Variants in CTTN observed in about 807,000 individuals in gnomAD.
The protein encoded by CTTN is cortactin, also known as src substrate cortactin.
In CTTN, 28 loss-of-function variants were observed where a neutral mutation model predicts 84.0. That is an observed-to-expected ratio of 0.33 (90% CI 0.25 to 0.46). CTTN has a LOEUF of 0.46. Ranked by LOEUF, CTTN falls within the 20% of genes least tolerant of loss-of-function variation. The pLI, the probability that CTTN is intolerant of heterozygous loss-of-function variation, is 1.00. For missense variants in CTTN, 641 were observed against 723.8 expected, an observed-to-expected ratio of 0.89 and a Z score of 1.31; for synonymous variants, 301 against 288.8, an observed-to-expected ratio of 1.04 and a Z score of -0.43.
Position 70,435,462 on chromosome 11 carries a change from G to T in CTTN, c.*300G>T. 6.5e-7 allele frequency: 1 copy of T among 1,527,960 alleles called. No homozygotes were observed. 94.7% of individuals were successfully genotyped at this position (1,527,960 alleles called of 1,614,324 possible). A position where few individuals can be genotyped will look rare whatever the true frequency, so the allele number is the denominator to read the frequency against. ...TTTTTGCCAAATTGACTGTCACGCG[G>T]CAGCTTCAGGGAGCTCGCATTCTCT... On this transcript the variant is annotated 3_prime_UTR_variant, in exon 18 of 18. Coordinates refer to ENST00000301843, the MANE Select transcript of CTTN (RefSeq NM_005231.4).
In CTTN at chr11:70,410,043, T is replaced by C. The variant is rs557954597; in HGVS notation, c.291+83T>C. On this transcript the variant is annotated intron_variant, in intron 5 of 17. Coordinates refer to ENST00000301843, the MANE Select transcript of CTTN (RefSeq NM_005231.4). ...GGTGGCAGAGTCGTCCCTCAGTCTTTCCTTAGATCAGCAGTTTTGAGTCCA... is the reference window on the plus strand; with the variant it reads ...GGTGGCAGAGTCGTCCCTCAGTCTTCCCTTAGATCAGCAGTTTTGAGTCCA... 2.2e-5 allele frequency: 32 copies of C among 1,481,138 alleles called. No homozygotes were observed. In the South Asian group the frequency reaches 3.6e-4, roughly 17 times the overall value. 91.7% of individuals were successfully genotyped at this position (1,481,138 alleles called of 1,614,324 possible).
chr11:70,431,042 G>T, intron 14 of CTTN, 149 bp from the exon 15 acceptor site: 1 of 756,148 alleles, frequency 1.3e-6, no homozygotes, highest in Non-Finnish European at 2.2e-6. Context: ...TCTGAGGCTT[G>T]GTGCTCCAGC....
intron 1 of CTTN, among the ~76,000 whole-genome samples, chr11:70,399,653 G>T (rs1486002726): frequency 2.0e-5 from 3 of 152,168 alleles, no homozygotes; most frequent in Non-Finnish European, 4.4e-5. Flanking sequence ...TCTAAGGGAT[G>T]CCTGATCCCT....
At chr11:70,425,028 C>T (rs2058285379) in intron 12 of CTTN, among the ~76,000 whole-genome samples, 3 of 152,164 alleles carry the variant, frequency 2.0e-5, no homozygotes, top group African/African-American at 7.2e-5. Flanking sequence ...GCTCACACCT[C>T]TGGGTGGCGA....
At position 70,419,825 on chromosome 11, in the gene CTTN, A is replaced by G. The variant is rs779964299; in HGVS notation, c.648A>G (p.Gln216=). 8 of 1,613,544 alleles carry G rather than the reference A, an allele frequency of 5.0e-6. No individual in the cohort carries two copies. Among genetic ancestry groups the G allele is most frequent in the Admixed American group, 1.7e-5 (1 of 59,828 alleles). ...AGAGCGCCGTTGGCTTTGAGTATCA[A>G]GGCAAAACGGAGAAGCACGAGTCCC... ...VDKSAVGFEY[Q]GKTEKHESQK... Residue 216 remains glutamine (Q), a synonymous_variant, in exon 9 of 18, where the codon CAA becomes CAG. Transcript: ENST00000301843.
Position 70,436,458 on chromosome 11 carries a change from A to G in CTTN, c.*1296A>G, listed in dbSNP as rs1488146624. 6.5e-7 allele frequency: 1 copy of G among 1,542,388 alleles called. No individual in the cohort carries two copies. Among genetic ancestry groups the G allele is most frequent in the Non-Finnish European group, 8.8e-7 (1 of 1,131,260 alleles). ...ATTTTCTCATCATCCTTGCTTTACCACAATGAGCAATGAGGTCGGGTTTTA... is the reference window on the plus strand; with the variant it reads ...ATTTTCTCATCATCCTTGCTTTACCGCAATGAGCAATGAGGTCGGGTTTTA... On this transcript the variant is annotated 3_prime_UTR_variant, in exon 18 of 18. Coordinates refer to ENST00000301843, the MANE Select transcript of CTTN (RefSeq NM_005231.4).
chr11:70,421,614 G>T, intron 11 of CTTN, 34 bp downstream of exon 11: 1 of 1,499,504 alleles, frequency 6.7e-7, no homozygotes, highest in South Asian at 1.1e-5. Flanking sequence ...CCCTCCCCCC[G>T]ACCCTCCTGT....
chr11:70,413,945 C>T (rs1565491024), intron 5 of CTTN, among the ~76,000 whole-genome samples: 1 of 152,182 alleles, frequency 6.6e-6, no homozygotes, highest in Non-Finnish European at 1.5e-5. Flanking sequence ...GCTCTGTGTA[C>T]CTTCTTCATG....
intron 12 of CTTN, among the ~76,000 whole-genome samples, chr11:70,425,050 G>T (rs2058285830): frequency 6.6e-6 from 1 of 152,208 alleles, no homozygotes; most frequent in Non-Finnish European, 1.5e-5. Context: ...GGAGGGTGGG[G>T]AAGGCTTGAG....
intron 13 of CTTN, among the ~76,000 whole-genome samples, chr11:70,428,020 T>C (rs556411939): frequency 2.0e-5 from 3 of 152,158 alleles, no homozygotes; most frequent in Non-Finnish European, 4.4e-5. Flanking sequence ...TCAGTTGTTA[T>C]TTCAGGGAAA....
chr11:70,422,733 C>T (rs1019450367), intron 11 of CTTN: 22 of 1,451,144 alleles, frequency 1.5e-5, no homozygotes, highest in Admixed American at 2.2e-5. Flanking sequence ...TGCCCCTGGC[C>T]TGTGCTCTGC....
Position 70,420,434 on chromosome 11 carries a change from G to A in CTTN, c.714G>A (p.Val238=). ...YVKGFGGKFG[V]QTDRQDKCAL... ...AAGGGTTTGGAGGAAAATTTGGTGT[G>A]CAGACAGACAGACAAGACAAATGTG... The change falls in exon 10 of 18, where the codon GTG becomes GTA. Residue 238 remains valine (V), a synonymous_variant. Transcript: ENST00000301843. 1 of 1,614,172 alleles carries A rather than the reference G, an allele frequency of 6.2e-7. No individual in the cohort carries two copies. The highest frequency in any genetic ancestry group is 8.5e-7 in the Non-Finnish European group (1 of 1,180,004).
rs972735473 is a variant in CTTN at position 70,435,434 on chromosome 11, T to C, written c.*272T>C. On this transcript the variant is annotated 3_prime_UTR_variant, in exon 18 of 18. Coordinates refer to ENST00000301843, the MANE Select transcript of CTTN (RefSeq NM_005231.4). Reference sequence around the variant, plus strand: ...TTTTATGCATTGATGGTTTTTTTTTTCTTTTTTGCCAAATTGACTGTCACG... The same window carrying C: ...TTTTATGCATTGATGGTTTTTTTTTCCTTTTTTGCCAAATTGACTGTCACG... The C allele has an allele frequency of 1.3e-6, 2 of 1,508,638 alleles. No homozygotes were observed. The highest frequency in any genetic ancestry group is 1.4e-5 in the African/African-American group (1 of 70,728). The allele number at this position is 1,508,638 out of a possible 1,614,324, so 93.5% of individuals were successfully genotyped here.
Position 70,421,566 on chromosome 11 carries a change from A to G in CTTN, c.887A>G (p.His296Arg), listed in dbSNP as rs747383022. 2.5e-6 allele frequency: 4 copies of G among 1,613,962 alleles called. No homozygotes were observed. In the South Asian group the frequency reaches 4.4e-5, roughly 18 times the overall value. ...GATTACAAGGAGAAGCTGGCCAAGC[A>G]CGAGTCCCAGCAAGGCACAGTTGCC... is the stretch of plus-strand genomic sequence containing the variant. Reference protein sequence around the residue: ...GFDYKEKLAKHESQQDYSKGF... With the variant: ...GFDYKEKLAKRESQQDYSKGF... Residue 296 changes from histidine to arginine, a missense_variant, in exon 11 of 18, where the codon CAC becomes CGC. Around this residue, in one of 3 missense-constraint regions of CTTN, gnomAD observed 289 missense variants for 273.1 expected, o/e 1.06. Coordinates refer to ENST00000301843, the MANE Select transcript of CTTN (RefSeq NM_005231.4).
At chr11:70,426,822 G>T (rs529283485) in intron 13 of CTTN, among the ~76,000 whole-genome samples, 174 of 151,728 alleles carry the variant, frequency 1.1e-3, no homozygotes, top group African/African-American at 3.8e-3. Context: ...GGATGGTCTC[G>T]ATCTCCTGAC....
chr11:70,403,133 T>C (rs1329914409), intron 1 of CTTN, among the ~76,000 whole-genome samples: 3 of 151,992 alleles, frequency 2.0e-5, no homozygotes, highest in Non-Finnish European at 4.4e-5. Context: ...TTCAGATCCT[T>C]CAATCATTTT....
At position 70,414,672 on chromosome 11, in the gene CTTN, G is replaced by A; in HGVS notation, c.402+20G>A. 1.3e-6 allele frequency: 2 copies of A among 1,587,910 alleles called. No individual in the cohort carries two copies. The highest frequency in any genetic ancestry group is 1.7e-6 in the Non-Finnish European group (2 of 1,156,400). ...GATCAGGTGAGTGATGTGGCACTGG[G>A]ACTGGGGCAGGTTGGGGCAAGGGGG... On this transcript the variant is annotated intron_variant, in intron 6 of 17. Transcript: ENST00000301843.
intron 13 of CTTN, among the ~76,000 whole-genome samples, chr11:70,427,544 G>A (rs554720198): frequency 2.0e-5 from 3 of 152,350 alleles, no homozygotes; most frequent in Non-Finnish European, 2.9e-5. Flanking sequence ...CTAGGTAGGC[G>A]ATTGGGAAAG....
intron 5 of CTTN, among the ~76,000 whole-genome samples, chr11:70,413,304 A>G (rs912840383): frequency 1.3e-5 from 2 of 152,178 alleles, no homozygotes; most frequent in African/African-American, 4.8e-5. Context: ...GACTTTCTCC[A>G]CGCCCTCTGC....
Sources: allele counts gnomAD v4.1 joint callset (sites outside exome capture counted in the v4.1 genomes callset), GRCh38; gene constraint gnomAD v4.1.1; regional missense constraint gnomAD v4.1.1; transcripts MANE v1.5; gene names NCBI Gene and HGNC (gene_info 2026-07-23, HGNC 2026-07-21).